The following ADAMTS18 variants were observed in gnomAD, a reference collection of about 807,000 sequenced individuals.
ADAMTS18 encodes the protein ADAM metallopeptidase with thrombospondin type 1 motif 18.
Under a neutral mutation model 165.9 loss-of-function variants are expected in ADAMTS18, and 157 were observed. That is an observed-to-expected ratio of 0.95 (90% CI 0.83 to 1.08). ADAMTS18 has a LOEUF of 1.08. ADAMTS18 is among the 50% of genes least tolerant of loss of function. The pLI is 0.00. For missense variants in ADAMTS18, 2,040 were observed against 1,534.0 expected, an observed-to-expected ratio of 1.33 and a Z score of -5.51; for synonymous variants, 782 against 578.2, an observed-to-expected ratio of 1.35 and a Z score of -5.06.
chr16:77,362,661 C>T (rs889728012), intron 6 of ADAMTS18, among the ~76,000 whole-genome samples: 6 of 150,548 alleles, frequency 4.0e-5, no homozygotes, highest in African/African-American at 9.8e-5. Flanking sequence ...CCCAGCAAAG[C>T]GTCTGGCACA....
intron 8 of ADAMTS18, among the ~76,000 whole-genome samples, chr16:77,358,497 G>C (rs531485005): frequency 3.1e-4 from 47 of 152,294 alleles, no homozygotes; most frequent in Admixed American, 8.5e-4. Context: ...GGGAGGCGGA[G>C]GTTGCAGCGA....
intron 10 of ADAMTS18, among the ~76,000 whole-genome samples, chr16:77,349,723 A>C (rs902400475): frequency 5.3e-5 from 8 of 152,188 alleles, no homozygotes; most frequent in African/African-American, 1.9e-4. Context: ...TAACTTTGGC[A>C]GATACATATC....
At position 77,431,427 on chromosome 16, in the gene ADAMTS18, G is replaced by A; in HGVS notation, c.363C>T (p.His121=). The A allele has an allele frequency of 6.2e-7, 1 of 1,614,182 alleles. No homozygotes were observed. Among genetic ancestry groups the A allele is most frequent in the Non-Finnish European group, 8.5e-7 (1 of 1,180,038 alleles). The change falls in exon 3 of 23, where the codon CAC becomes CAT. Residue 121 remains histidine, a synonymous_variant. Coordinates refer to ENST00000282849, the MANE Select transcript of ADAMTS18 (RefSeq NM_199355.4). ...CTTTTCCAAGTACCTGGACAATAAA[G>A]TGACTGCTCAAAATCGCCGAGGGCT... ...ELKPSAILSS[H]FIVQVLGKDG...
intron 3 of ADAMTS18, among the ~76,000 whole-genome samples, chr16:77,421,131 G>A (rs1489637219): frequency 6.6e-6 from 1 of 152,202 alleles, no homozygotes; most frequent in African/African-American, 2.4e-5. Flanking sequence ...TGGTAATAAG[G>A]GGCAGATAAA....
intron 12 of ADAMTS18, among the ~76,000 whole-genome samples, chr16:77,334,784 CAGTAAA>C (rs2144672098): frequency 2.1e-5 from 2 of 94,564 alleles, no homozygotes; most frequent in East Asian, 7.9e-4. Context: ...CTATAGTATA[CAGTAAA>C]TATACTATAT....
Position 77,297,361 on chromosome 16 carries a change from G to C in ADAMTS18, c.2729C>G (p.Ser910Cys). The change falls in exon 18 of 23, where the codon TCC becomes TGC. Residue 910 changes from serine to cysteine, a missense_variant. By Grantham distance (112) the Ser-to-Cys change is moderately radical (BLOSUM62 -1). Coordinates refer to ENST00000282849, the MANE Select transcript of ADAMTS18 (RefSeq NM_199355.4). ...CTTGGTTTTTGCACTGCAGAATGAG[G>C]AATTGACTTGAGTATTTTGATCTCG... ...CLRDQNTQVN[S>C]SFCSAKTKPV... is the part of the protein sequence containing the mutation. 1 of 1,613,800 alleles carries C rather than the reference G, an allele frequency of 6.2e-7. No individual in the cohort carries two copies.
At position 77,364,184 on chromosome 16, in the gene ADAMTS18, T is replaced by C. The variant is rs1948719; in HGVS notation, c.972+4A>G. 0.43 allele frequency: 687,002 copies of C among 1,613,592 alleles called. 153,153 individuals are homozygous for C. Among genetic ancestry groups the C allele is most frequent in the Non-Finnish European group, 0.46 (546,477 of 1,179,736 alleles). On this transcript the variant is annotated splice_donor_region_variant and intron_variant, in intron 5 of 22. Transcript: ENST00000282849. ...GCCAGAAGGTTTGTGACACCCCCGCTTACCATGTTCATTACTGTGAGAATG... is the reference window on the plus strand; with the variant it reads ...GCCAGAAGGTTTGTGACACCCCCGCCTACCATGTTCATTACTGTGAGAATG...
chr16:77,396,877 G>A (rs1300137703), intron 3 of ADAMTS18, among the ~76,000 whole-genome samples: 1 of 151,410 alleles, frequency 6.6e-6, no homozygotes, highest in Non-Finnish European at 1.5e-5. Flanking sequence ...CACAATCTTG[G>A]CTCACTGCAA....
intron 16 of ADAMTS18, among the ~76,000 whole-genome samples, chr16:77,312,994 C>A (rs888395315): frequency 6.6e-6 from 1 of 152,136 alleles, no homozygotes; most frequent in African/African-American, 2.4e-5. Context: ...CACACACACA[C>A]GTATATTTAT....
chr16:77,346,053 G>A (rs1431250317), intron 10 of ADAMTS18, among the ~76,000 whole-genome samples: 1 of 152,094 alleles, frequency 6.6e-6, no homozygotes, highest in Non-Finnish European at 1.5e-5. Context: ...CTCCCAAAGC[G>A]GGTCTTTACA....
chr16:77,375,453 G>A (rs1432326313), intron 3 of ADAMTS18, among the ~76,000 whole-genome samples: 2 of 152,184 alleles, frequency 1.3e-5, no homozygotes, highest in East Asian at 1.9e-4. Context: ...GGTGAGAGGA[G>A]CGGGGAAGCT....
intron 3 of ADAMTS18, among the ~76,000 whole-genome samples, chr16:77,425,005 C>G (rs1170297976): frequency 2.0e-5 from 3 of 152,202 alleles, no homozygotes; most frequent in African/African-American, 7.2e-5. Context: ...GTTTGGCAGG[C>G]AGTGACCAGC....
chr16:77,307,652 G>C (rs1021200689), intron 16 of ADAMTS18, among the ~76,000 whole-genome samples: 1 of 152,154 alleles, frequency 6.6e-6, no homozygotes. Flanking sequence ...AAGTACCTCT[G>C]AATCGTCCTC....
At position 77,293,145 on chromosome 16, in the gene ADAMTS18, C is replaced by A. The variant is rs61754842; in HGVS notation, c.3120G>T (p.Gln1040His). 6.2e-7 allele frequency: 1 copy of A among 1,613,996 alleles called. No individual in the cohort carries two copies. Among genetic ancestry groups the A allele is most frequent in the Non-Finnish European group, 8.5e-7 (1 of 1,179,968 alleles). ...QCTSLPRPELQEGCVLGRCPK... is the reference protein window; with the variant it reads ...QCTSLPRPELHEGCVLGRCPK... ...GGCATCGTCCAAGCACACAGCCCTC[C>A]TGCAGCTCAGGTCTGGGGAGACTGG... The change falls in exon 20 of 23, where the codon CAG (glutamine) becomes CAT (histidine). Residue 1040 changes from glutamine (Q) to histidine (H), a missense_variant. Physicochemically the swap from Gln to His is conservative, Grantham distance 24. Transcript: ENST00000282849.
intron 21 of ADAMTS18, among the ~76,000 whole-genome samples, chr16:77,290,171 A>G (rs1376030443): frequency 6.6e-6 from 1 of 152,200 alleles, no homozygotes. Flanking sequence ...CAAATTATCT[A>G]AACTAGGAGT....
chr16:77,357,594 G>A (rs2056650592), intron 8 of ADAMTS18, among the ~76,000 whole-genome samples: 1 of 152,192 alleles, frequency 6.6e-6, no homozygotes, highest in Admixed American at 6.5e-5. Context: ...AGGAGAGATT[G>A]AAGCCATTAC....
At chr16:77,426,526 T>C (rs2057675320) in intron 3 of ADAMTS18, among the ~76,000 whole-genome samples, 1 of 152,212 alleles carries the variant, frequency 6.6e-6, no homozygotes, top group African/African-American at 2.4e-5. Flanking sequence ...AAAACCATAC[T>C]GTGTAAACTC....
intron 13 of ADAMTS18, among the ~76,000 whole-genome samples, chr16:77,325,147 C>A (rs1319407563): frequency 6.6e-6 from 1 of 152,174 alleles, no homozygotes; most frequent in Non-Finnish European, 1.5e-5. Context: ...TACACATGGG[C>A]AGTTGGGATT....
Position 77,430,633 on chromosome 16 carries a change from C to T in ADAMTS18, c.495+662G>A, listed in dbSNP as rs180874517. ...ACCGCCTCGTATATTTGATTGAATC[C>T]TGAGAAGAGTATCATTTACACTGAT... On this transcript the variant is annotated intron_variant, in intron 3 of 22. Coordinates refer to ENST00000282849, the MANE Select transcript of ADAMTS18 (RefSeq NM_199355.4). Among the ~76,000 whole-genome samples the T allele has an allele frequency of 2.5e-4, 38 of 152,290 alleles. 1 individual carries two copies. The highest frequency in any genetic ancestry group is 1.1e-3 in the Admixed American group (17 of 15,304).
Sources: allele counts gnomAD v4.1 joint callset (sites outside exome capture counted in the v4.1 genomes callset), GRCh38; gene constraint gnomAD v4.1.1; transcripts MANE v1.5; gene names NCBI Gene and HGNC (gene_info 2026-07-23, HGNC 2026-07-21).